The following BNC2 variants were observed in gnomAD, a reference collection of about 807,000 sequenced individuals.
BNC2 encodes basonuclin zinc finger protein 2.
BNC2 carries 20 observed loss-of-function variants against 76.3 expected under a neutral mutation model. The observed-to-expected ratio is 0.26, with a 90% CI of 0.18 to 0.38. The LOEUF is 0.38. Ranked by LOEUF, BNC2 falls within the 10% of genes least tolerant of loss-of-function variation. BNC2 has a pLI of 1.00. For missense variants in BNC2, 1,382 were observed against 1,399.8 expected (o/e 0.99, Z 0.20); for synonymous variants, 582 against 514.8 (o/e 1.13, Z -1.77).
At chr9:16,780,540 C>T (rs369586736) in intron 1 of BNC2, among the ~76,000 whole-genome samples, 1 of 151,730 alleles carries the variant, frequency 6.6e-6, no homozygotes, top group Admixed American at 6.6e-5. Context: ...CCACTACACT[C>T]CAGCCTGGCG....
At chr9:16,486,663 G>T (rs541305901) in intron 5 of BNC2, among the ~76,000 whole-genome samples, 1 of 152,150 alleles carries the variant, frequency 6.6e-6, no homozygotes, top group South Asian at 2.1e-4. Flanking sequence ...GTTCTTTAAA[G>T]TTCTCCTGGG....
chr9:16,627,097 G>A (rs1352206493), intron 3 of BNC2, among the ~76,000 whole-genome samples: 1 of 152,142 alleles, frequency 6.6e-6, no homozygotes, highest in African/African-American at 2.4e-5. Context: ...GCAGCCAGTT[G>A]AGCTAATTGT....
At chr9:16,501,931 T>C (rs541148006) in intron 5 of BNC2, among the ~76,000 whole-genome samples, 7 of 152,234 alleles carry the variant, frequency 4.6e-5, no homozygotes, top group South Asian at 2.1e-4. Context: ...GCCTGGGGAA[T>C]ACCAAGACAC....
chr9:16,778,755 G>A (rs1005966021), intron 1 of BNC2, among the ~76,000 whole-genome samples: 1 of 152,118 alleles, frequency 6.6e-6, no homozygotes, highest in Non-Finnish European at 1.5e-5. Flanking sequence ...GGTATAAGCT[G>A]AAATCTCAGA....
chr9:16,787,494 T>C (rs904505069), intron 1 of BNC2, among the ~76,000 whole-genome samples: 3 of 152,230 alleles, frequency 2.0e-5, no homozygotes, highest in Admixed American at 2.0e-4. Flanking sequence ...TTGACCTCTT[T>C]GTGCCTCAAT....
chr9:16,619,814 T>C (rs1353247931), intron 3 of BNC2, among the ~76,000 whole-genome samples: 1 of 152,124 alleles, frequency 6.6e-6, no homozygotes, highest in Non-Finnish European at 1.5e-5. Context: ...CACTGAAAAA[T>C]GTGACAAAAT....
chr9:16,431,748 G>C (rs1820911753), intron 6 of BNC2, among the ~76,000 whole-genome samples: 1 of 152,190 alleles, frequency 6.6e-6, no homozygotes, highest in Non-Finnish European at 1.5e-5. Context: ...GATGTGAGTA[G>C]GGGGTATAGT....
At chr9:16,523,952 C>CA (rs752855470) in intron 5 of BNC2, among the ~76,000 whole-genome samples, 9 of 151,984 alleles carry the variant, frequency 5.9e-5, no homozygotes, top group African/African-American at 1.2e-4. Context: ...AATTCCATCT[C>CA]AAAAAAGAAT....
intron 3 of BNC2, among the ~76,000 whole-genome samples, chr9:16,630,956 C>A (rs1821145153): frequency 6.6e-6 from 1 of 152,076 alleles, no homozygotes; most frequent in African/African-American, 2.4e-5. Context: ...TCAGGCTGGT[C>A]TCGAACTCCT....
At chr9:16,421,303 G>A (rs768454783) in intron 6 of BNC2, 120 of 1,294,600 alleles carry the variant, frequency 9.3e-5, no homozygotes, top group Non-Finnish European at 1.2e-4. Flanking sequence ...TTGCTAAATC[G>A]ATCACAAAAG....
chr9:16,684,585 A>G (rs1178293370), intron 3 of BNC2, among the ~76,000 whole-genome samples: 1 of 152,126 alleles, frequency 6.6e-6, no homozygotes, highest in African/African-American at 2.4e-5. Flanking sequence ...GTGGTTCTAA[A>G]TCAGTAAAAA....
At chr9:16,605,023 T>C (rs942333914) in intron 3 of BNC2, among the ~76,000 whole-genome samples, 6 of 152,146 alleles carry the variant, frequency 3.9e-5, no homozygotes, top group African/African-American at 1.2e-4. Context: ...ACTTTCTTAA[T>C]GGACACATCT....
intron 3 of BNC2, among the ~76,000 whole-genome samples, chr9:16,648,632 G>A (rs371103627): frequency 2.0e-5 from 3 of 152,162 alleles, no homozygotes; most frequent in Non-Finnish European, 4.4e-5. Flanking sequence ...TTGCTAAGGC[G>A]AACTAAGGGG....
chr9:16,605,311 T>C (rs564644216), intron 3 of BNC2, among the ~76,000 whole-genome samples: 1 of 152,260 alleles, frequency 6.6e-6, no homozygotes, highest in Non-Finnish European at 1.5e-5. Context: ...ACGCACTTAC[T>C]ATCAAGCAGT....
chr9:16,796,656 A>AAAAAGAAAGAAAAGAAGAG (rs1817661801), intron 1 of BNC2, among the ~76,000 whole-genome samples: 1 of 152,074 alleles, frequency 6.6e-6, no homozygotes, highest in Admixed American at 6.5e-5. Flanking sequence ...AAAGAGAAAA[A>AAAAAGAAAGAAAAGAAGAG]AAAAGAAAGA....
intron 3 of BNC2, among the ~76,000 whole-genome samples, chr9:16,640,936 A>C (rs1821476215): frequency 6.6e-6 from 1 of 152,166 alleles, no homozygotes; most frequent in African/African-American, 2.4e-5. Context: ...GAACTCAAGA[A>C]GCAGTACGTT....
intron 1 of BNC2, among the ~76,000 whole-genome samples, chr9:16,799,535 G>A (rs1199763361): frequency 2.6e-5 from 4 of 152,044 alleles, no homozygotes; most frequent in East Asian, 1.9e-4. Context: ...GGCTGGTCTC[G>A]AACTCCTGAC....
chr9:16,496,906 T>C (rs1220954701), intron 5 of BNC2, among the ~76,000 whole-genome samples: 2 of 152,258 alleles, frequency 1.3e-5, no homozygotes, highest in Admixed American at 1.3e-4. Context: ...TAAAGGATCT[T>C]CTTACCTCAC....
intron 5 of BNC2, among the ~76,000 whole-genome samples, chr9:16,446,652 T>C (rs1368710643): frequency 6.6e-6 from 1 of 152,158 alleles, no homozygotes; most frequent in African/African-American, 2.4e-5. Context: ...TGCTTGACAT[T>C]TGATTTAAAA....
Sources: allele counts gnomAD v4.1 joint callset (sites outside exome capture counted in the v4.1 genomes callset), GRCh38; gene constraint gnomAD v4.1.1; transcripts MANE v1.5; gene names NCBI Gene and HGNC (gene_info 2026-07-23, HGNC 2026-07-21).